MTCL3: variants seen among roughly 807,000 people sequenced by gnomAD.
MTCL3 encodes microtubule cross-linking factor 3.
the MTCL3 span, among the ~76,000 whole-genome samples, chr6:127,493,662 C>T: frequency 1.3e-5 from 2 of 152,180 alleles, no homozygotes; most frequent in Admixed American, 6.5e-5. Flanking sequence ...CCGTTCCTAT[C>T]TTTTGAGTTA....
the MTCL3 span, chr6:127,475,386 G>A: frequency 1.2e-6 from 2 of 1,613,408 alleles, no homozygotes; most frequent in Non-Finnish European, 1.7e-6. This position sits in a 1 kb window ranked among gnomAD's most constrained non-coding sequence, Gnocchi z 7.3. Context: ...CCTTGCGGAA[G>A]GCCTTCATCT....
the MTCL3 span, chr6:127,515,962 G>C: frequency 6.2e-7 from 1 of 1,603,276 alleles, no homozygotes; most frequent in Non-Finnish European, 8.5e-7. The surrounding 1 kb of genome is among the most constrained non-coding windows in gnomAD (Gnocchi z 4.3). Context: ...AGAGGAGGAT[G>C]GAGAAGGGGA....
the MTCL3 span, chr6:127,481,276 G>C: frequency 6.1e-6 from 6 of 983,506 alleles, no homozygotes; most frequent in African/African-American, 1.7e-5. Context: ...GGCAACACGT[G>C]AAATGATTCA....
the MTCL3 span, chr6:127,512,777 A>G: frequency 1.1e-6 from 1 of 951,988 alleles, no homozygotes; most frequent in Non-Finnish European, 1.5e-6. Flanking sequence ...GGGTAAGAGT[A>G]AAAAATTGTC....
chr6:127,510,703 A>G, the MTCL3 span, among the ~76,000 whole-genome samples: 1 of 152,228 alleles, frequency 6.6e-6, no homozygotes, highest in Non-Finnish European at 1.5e-5. Flanking sequence ...CACTCAAGGA[A>G]TATGAGAGAG....
At chr6:127,481,729 T>C in the MTCL3 span, among the ~76,000 whole-genome samples, 1 of 152,174 alleles carries the variant, frequency 6.6e-6, no homozygotes, top group Admixed American at 6.5e-5. Flanking sequence ...TGGAGAGTTA[T>C]AATGTCAGAG....
At chr6:127,514,081 T>A in the MTCL3 span, among the ~76,000 whole-genome samples, 8 of 152,262 alleles carry the variant, frequency 5.3e-5, no homozygotes, top group African/African-American at 1.9e-4. Flanking sequence ...ATTAAGTTAA[T>A]GTCTAGTTTG....
chr6:127,499,593 G>T, the MTCL3 span, among the ~76,000 whole-genome samples: 2 of 152,114 alleles, frequency 1.3e-5, no homozygotes, highest in African/African-American at 2.4e-5. Context: ...CAGAGTAAAA[G>T]GTCTGTATGT....
chr6:127,511,852 G>A, the MTCL3 span, among the ~76,000 whole-genome samples: 1 of 152,100 alleles, frequency 6.6e-6, no homozygotes, highest in Admixed American at 6.5e-5. Context: ...GTTGATAATT[G>A]CACTGTTATT....
the MTCL3 span, among the ~76,000 whole-genome samples, chr6:127,502,500 A>T: frequency 6.6e-6 from 1 of 152,244 alleles, no homozygotes; most frequent in Non-Finnish European, 1.5e-5. Context: ...AATGGGTCAG[A>T]TGGAAGAAGT....
the MTCL3 span, among the ~76,000 whole-genome samples, chr6:127,491,372 AC>A: frequency 6.6e-6 from 1 of 152,174 alleles, no homozygotes; most frequent in African/African-American, 2.4e-5. Context: ...GGCAACCACC[AC>A]CCTGATCAGT....
the MTCL3 span, among the ~76,000 whole-genome samples, chr6:127,509,965 C>T: frequency 7.2e-5 from 11 of 152,234 alleles, no homozygotes; most frequent in African/African-American, 2.4e-4. Context: ...GAAGGTCAAC[C>T]TCAAATGGAT....
chr6:127,513,168 G>C, the MTCL3 span: 8 of 921,332 alleles, frequency 8.7e-6, no homozygotes, highest in East Asian at 1.9e-4. Context: ...CCATGTGCCA[G>C]GCATTATTCC....
the MTCL3 span, among the ~76,000 whole-genome samples, chr6:127,488,030 A>G: frequency 6.6e-6 from 1 of 151,766 alleles, no homozygotes; most frequent in Non-Finnish European, 1.5e-5. Context: ...CCACCCCCCA[A>G]TCCCACATCC....
the MTCL3 span, among the ~76,000 whole-genome samples, chr6:127,492,547 G>A: frequency 6.6e-6 from 1 of 152,142 alleles, no homozygotes; most frequent in Non-Finnish European, 1.5e-5. Flanking sequence ...TTAAGACGGA[G>A]TCTCACCCTG....
At chr6:127,516,743 G>C in the MTCL3 span, 1 of 1,447,524 alleles carries the variant, frequency 6.9e-7, no homozygotes, top group Non-Finnish European at 9.1e-7. Context: ...CAACATGTCT[G>C]AATTTTTGCA....
chr6:127,505,261 T>A, the MTCL3 span, among the ~76,000 whole-genome samples: 1 of 152,160 alleles, frequency 6.6e-6, no homozygotes, highest in Non-Finnish European at 1.5e-5. Context: ...AAAAATGGAA[T>A]CAACCTAAAT....
the MTCL3 span, among the ~76,000 whole-genome samples, chr6:127,506,432 G>C: frequency 6.6e-6 from 1 of 152,180 alleles, no homozygotes; most frequent in Non-Finnish European, 1.5e-5. Flanking sequence ...CCAGCCTTGA[G>C]TGATACTAAA....
At chr6:127,518,014 C>A in the MTCL3 span, among the ~76,000 whole-genome samples, 1 of 152,172 alleles carries the variant, frequency 6.6e-6, no homozygotes, top group Non-Finnish European at 1.5e-5. Context: ...TGCAGTAATT[C>A]CTCATTTTAT....
Sources: allele counts gnomAD v4.1 joint callset (sites outside exome capture counted in the v4.1 genomes callset), GRCh38; gene constraint gnomAD v4.1.1; non-coding constraint Gnocchi (gnomAD v3.1); transcripts MANE v1.5; gene names NCBI Gene and HGNC (gene_info 2026-07-23, HGNC 2026-07-21).